Variants in FRAS1 observed in about 807,000 individuals in gnomAD.
FRAS1 encodes Fraser extracellular matrix complex subunit 1.
Under a neutral mutation model 435.2 loss-of-function variants are expected in FRAS1, and 290 were observed. The ratio of observed to expected loss-of-function variants is 0.67; its 90% CI spans 0.61 to 0.73. FRAS1 has a LOEUF of 0.73. Ranked by LOEUF, FRAS1 falls within the 30% of genes least tolerant of loss-of-function variation. The pLI is 0.00. For synonymous variants in FRAS1, 1,800 were observed against 1,851.0 expected (o/e 0.97, Z 0.71); for missense variants, 4,860 against 5,001.5 (o/e 0.97, Z 0.85).
intron 2 of FRAS1, among the ~76,000 whole-genome samples, chr4:78,161,925 A>T (rs1721160870): frequency 6.6e-6 from 1 of 152,044 alleles, no homozygotes; most frequent in Non-Finnish European, 1.5e-5. Flanking sequence ...TTGAAAATTG[A>T]GGCTATTCAT....
intron 29 of FRAS1, among the ~76,000 whole-genome samples, chr4:78,398,118 A>G (rs544810437): frequency 2.6e-4 from 40 of 152,258 alleles, no homozygotes; most frequent in South Asian, 4.1e-4. Context: ...GCTTATGTCC[A>G]AGAATTATAC....
intron 9 of FRAS1, among the ~76,000 whole-genome samples, chr4:78,270,195 A>G (rs1340993180): frequency 2.6e-5 from 4 of 152,226 alleles, no homozygotes; most frequent in African/African-American, 7.2e-5. Flanking sequence ...TAGAAAAGCT[A>G]TTTGAAACTT....
rs34023994 is a variant in FRAS1 at position 78,065,058 on chromosome 4, G to GTATA, written c.77-904_77-901dup. 7.9e-3 allele frequency among the ~76,000 whole-genome samples: 948 copies of GTATA among 119,862 alleles called. 9 individuals carry two copies. The highest frequency in any genetic ancestry group is 0.027 in the Middle Eastern group (6 of 224). 78.6% of individuals were successfully genotyped at this position (119,862 alleles called of 152,430 possible). A position where few individuals can be genotyped will look rare whatever the true frequency, so the allele number is the denominator to read the frequency against. On this transcript the variant is annotated intron_variant, in intron 1 of 73. Coordinates refer to ENST00000512123, the MANE Select transcript of FRAS1 (RefSeq NM_025074.7). ...TAAGTTAAGATTTCAGTTTTATAGT[G>GTATA]TATATATATATATATATATATATAT...
intron 67 of FRAS1, 94 bp from the exon 68 acceptor site, chr4:78,521,429 A>G: frequency 1.4e-6 from 1 of 723,014 alleles, no homozygotes; most frequent in Admixed American, 2.7e-5. Context: ...ATGTGCAGCT[A>G]TACTTGGAGG....
intron 59 of FRAS1, among the ~76,000 whole-genome samples, chr4:78,489,425 T>C (rs1720274788): frequency 6.6e-6 from 1 of 152,144 alleles, no homozygotes; most frequent in Admixed American, 6.5e-5. Flanking sequence ...AGTGGAATAG[T>C]GGATCATCAT....
chr4:78,179,995 C>T (rs967965510), intron 2 of FRAS1, among the ~76,000 whole-genome samples: 7 of 152,150 alleles, frequency 4.6e-5, no homozygotes, highest in South Asian at 2.1e-4. Flanking sequence ...TTCAGCCAAC[C>T]GACACTTAGC....
At chr4:78,516,567 A>C (rs965529140) in intron 66 of FRAS1, among the ~76,000 whole-genome samples, 1 of 152,232 alleles carries the variant, frequency 6.6e-6, no homozygotes, top group Non-Finnish European at 1.5e-5. Context: ...GTGTTAGTCT[A>C]TTCTCACACT....
chr4:78,180,767 C>CT (rs878901917), intron 2 of FRAS1: 37,072 of 764,446 alleles, frequency 0.048, 493 homozygotes, highest in African/African-American at 0.16. Flanking sequence ...GAATGACAGT[C>CT]TTTTTTTTTT....
intron 10 of FRAS1, among the ~76,000 whole-genome samples, chr4:78,280,626 C>T (rs997707536): frequency 1.7e-4 from 25 of 147,954 alleles, no homozygotes; most frequent in African/African-American, 6.2e-4. Flanking sequence ...TGTCAACCTT[C>T]CAGTGTTTCT....
chr4:78,441,199 AT>A lies in FRAS1; in HGVS notation c.5574del (p.Phe1858LeufsTer17). On this transcript the variant is annotated frameshift_variant, in exon 41 of 74. Coordinates refer to ENST00000512123, the MANE Select transcript of FRAS1 (RefSeq NM_025074.7). LOFTEE classifies it high-confidence loss of function. ...GGGAGAGCACCACTCTCATTTCACC[AT>A]TTTTTTGCTACTGATGATGATGACA... ...EGGRAPLSFH[H>X]FFATDDDDNL... is the part of the protein sequence containing the mutation. 6.2e-7 allele frequency: 1 copy of A among 1,613,708 alleles called. No homozygotes were observed. The highest frequency in any genetic ancestry group is 8.5e-7 in the Non-Finnish European group (1 of 1,179,762).
intron 2 of FRAS1, among the ~76,000 whole-genome samples, chr4:78,122,663 G>A (rs577992477): frequency 2.2e-4 from 33 of 151,834 alleles, no homozygotes; most frequent in Middle Eastern, 3.4e-3. Flanking sequence ...TTTAATGATC[G>A]CCATTCTAAC....
In FRAS1 at chr4:78,439,105, G is replaced by C. The variant is rs970726540; in HGVS notation, c.5529+41G>C. On this transcript the variant is annotated intron_variant, in intron 40 of 73. Coordinates refer to ENST00000512123, the MANE Select transcript of FRAS1 (RefSeq NM_025074.7). ...ATCAATAAACAGTGAGTACTATAGA[G>C]AGCTGGAATCCGTAGTAATGTAAAT... The C allele has an allele frequency of 2.6e-6, 4 of 1,517,398 alleles. No homozygotes were observed. The African/African-American group carries it at 5.6e-5, about 21-fold the overall frequency. The allele number at this position is 1,517,398 out of a possible 1,614,324, so 94.0% of individuals were successfully genotyped here. A position where few individuals can be genotyped will look rare whatever the true frequency, so the allele number is the denominator to read the frequency against.
intron 58 of FRAS1, among the ~76,000 whole-genome samples, chr4:78,483,858 G>A (rs1275273673): frequency 1.4e-5 from 2 of 147,906 alleles, no homozygotes; most frequent in African/African-American, 4.9e-5. Context: ...ATACTTGCAT[G>A]CATCCAAAAT....
At chr4:78,452,103 G>A (rs1298816805) in intron 46 of FRAS1, 72 bp from the exon 47 acceptor site, 1 of 1,508,144 alleles carries the variant, frequency 6.6e-7, no homozygotes, top group Non-Finnish European at 9.2e-7. Context: ...TTACTTCTTG[G>A]CACCAGGCCT....
chr4:78,507,999 C>T lies in FRAS1; in HGVS notation c.9504+391C>T, dbSNP rs6823834. On this transcript the variant is annotated intron_variant, in intron 62 of 73. Coordinates refer to ENST00000512123, the MANE Select transcript of FRAS1 (RefSeq NM_025074.7). ...CTTAGTCTGATAAAGATAGAAAATA[C>T]AATACAATTGATCTTCTCATTTCTT... 8.5e-3 allele frequency among the ~76,000 whole-genome samples: 1,291 copies of T among 152,270 alleles called. 16 individuals are homozygous for T. The highest frequency in any genetic ancestry group is 0.03 in the African/African-American group (1,227 of 41,556).
intron 3 of FRAS1, 141 bp downstream of exon 3, chr4:78,237,758 C>G (rs1043206800): frequency 2.2e-6 from 1 of 459,394 alleles, no homozygotes; most frequent in Admixed American, 3.9e-5. Context: ...AGAATTTTAA[C>G]GTATTGCATC....
At chr4:78,179,874 A>G in intron 2 of FRAS1, among the ~76,000 whole-genome samples, 1 of 152,212 alleles carries the variant, frequency 6.6e-6, no homozygotes. Flanking sequence ...TGTGGCAATC[A>G]GTGGGAGCCA....
chr4:78,439,811 T>C (rs778068687), intron 40 of FRAS1, among the ~76,000 whole-genome samples: 7 of 152,050 alleles, frequency 4.6e-5, no homozygotes, highest in Non-Finnish European at 8.8e-5. Context: ...CTTTAAAATA[T>C]TATCATTTTC....
At chr4:78,067,304 A>C (rs1740087312) in intron 2 of FRAS1, among the ~76,000 whole-genome samples, 1 of 152,192 alleles carries the variant, frequency 6.6e-6, no homozygotes, top group Non-Finnish European at 1.5e-5. Context: ...GTAATTCACC[A>C]TTAGTGGTGG....
Sources: gnomAD v4.1 joint callset for allele counts (sites outside exome capture counted in the v4.1 genomes callset) on GRCh38, gnomAD v4.1.1 for gene constraint, MANE v1.5 for transcripts, NCBI Gene and HGNC (gene_info 2026-07-23, HGNC 2026-07-21) for gene names.